Variants in KCNH7 observed in about 807,000 individuals in gnomAD.
KCNH7 encodes the protein potassium voltage-gated channel subfamily H member 7.
KCNH7 carries 49 observed loss-of-function variants against 120.8 expected under a neutral mutation model. That is an observed-to-expected ratio of 0.41 (90% CI 0.32 to 0.51). The LOEUF (loss-of-function observed/expected upper bound fraction) is 0.51. Among genes scored for constraint, KCNH7 ranks in the 20% least tolerant of loss-of-function variants. KCNH7 has a pLI of 0.38. For missense variants in KCNH7, 1,097 were observed against 1,446.6 expected (o/e 0.76, Z 3.92); for synonymous variants, 547 against 516.1 (o/e 1.06, Z -0.81).
At chr2:162,492,865 GTTTTTTTTTTTTTTT>G (rs67006443) in intron 6 of KCNH7, among the ~76,000 whole-genome samples, 2 of 57,210 alleles carry the variant, frequency 3.5e-5, no homozygotes, top group East Asian at 5.9e-4. Context: ...CTTGGATCTT[GTTTTTTTTTTTTTTT>G]TTTTTTTTTT....
chr2:162,667,956 G>A (rs903966130), intron 2 of KCNH7, among the ~76,000 whole-genome samples: 4 of 152,238 alleles, frequency 2.6e-5, no homozygotes, highest in Admixed American at 1.3e-4. Flanking sequence ...GATTAAAGTA[G>A]ATAACATTGT....
intron 2 of KCNH7, among the ~76,000 whole-genome samples, chr2:162,776,231 A>G (rs372541542): frequency 1.5e-4 from 23 of 152,240 alleles, no homozygotes; most frequent in Non-Finnish European, 2.9e-4. Context: ...CTCTACCTAC[A>G]TGTAGCCTCT....
At chr2:162,613,831 G>A (rs6715506) in intron 2 of KCNH7, among the ~76,000 whole-genome samples, 76,905 of 151,732 alleles carry the variant, frequency 0.51, 19,704 homozygotes, top group Middle Eastern at 0.61. Flanking sequence ...AAGGGTAATC[G>A]TAGACAAATA....
chr2:162,772,989 C>T (rs1454900374), intron 2 of KCNH7, among the ~76,000 whole-genome samples: 2 of 152,190 alleles, frequency 1.3e-5, no homozygotes, highest in Non-Finnish European at 2.9e-5. Flanking sequence ...CATCTTTTCC[C>T]AAGTACCCAA....
chr2:162,720,445 G>A (rs1687288870), intron 2 of KCNH7, among the ~76,000 whole-genome samples: 1 of 151,962 alleles, frequency 6.6e-6, no homozygotes, highest in Non-Finnish European at 1.5e-5. Context: ...CACAGTGGTA[G>A]TGGCGTGCTC....
chr2:162,541,491 C>G (rs980851198), intron 2 of KCNH7, among the ~76,000 whole-genome samples: 1 of 151,978 alleles, frequency 6.6e-6, no homozygotes, highest in Non-Finnish European at 1.5e-5. Flanking sequence ...TACAGATACA[C>G]CATGGAATAT....
chr2:162,676,021 G>A (rs1005197983), intron 2 of KCNH7, among the ~76,000 whole-genome samples: 1 of 151,440 alleles, frequency 6.6e-6, no homozygotes, highest in African/African-American at 2.4e-5. Context: ...TTAGAAATAT[G>A]CTATCTGGGA....
intron 2 of KCNH7, among the ~76,000 whole-genome samples, chr2:162,710,523 C>A (rs760540396): frequency 1.2e-4 from 18 of 152,114 alleles, no homozygotes; most frequent in Non-Finnish European, 2.6e-4. Flanking sequence ...AAAGTGCAAG[C>A]AAGTTAGCAC....
intron 2 of KCNH7, among the ~76,000 whole-genome samples, chr2:162,826,313 T>C (rs1453552286): frequency 2.0e-5 from 3 of 152,118 alleles, no homozygotes; most frequent in Non-Finnish European, 4.4e-5. Flanking sequence ...AACATGCTTA[T>C]ATTATTATGA....
chr2:162,588,519 G>T (rs928125306), intron 2 of KCNH7, among the ~76,000 whole-genome samples: 1 of 151,986 alleles, frequency 6.6e-6, no homozygotes, highest in East Asian at 1.9e-4. Flanking sequence ...ACCTCTTGTT[G>T]AAATCAAATT....
At chr2:162,604,161 T>C (rs926619939) in intron 2 of KCNH7, among the ~76,000 whole-genome samples, 7 of 152,114 alleles carry the variant, frequency 4.6e-5, no homozygotes, top group Non-Finnish European at 1.0e-4. Context: ...ACATTATCCC[T>C]AATTATGGCT....
intron 15 of KCNH7, 75 bp downstream of exon 15, chr2:162,373,395 C>G: frequency 9.3e-7 from 1 of 1,070,274 alleles, no homozygotes; most frequent in Non-Finnish European, 1.3e-6. Context: ...CACAGCACCC[C>G]AAGTGATTCT....
chr2:162,836,843 C>A (rs1444947685), intron 1 of KCNH7, 76 bp from the exon 2 acceptor site: 12 of 1,024,924 alleles, frequency 1.2e-5, no homozygotes, highest in Non-Finnish European at 1.8e-5. Context: ...CAATTTGTTG[C>A]ATAATAAGAG....
At chr2:162,486,520 A>G (rs1053653817) in intron 6 of KCNH7, among the ~76,000 whole-genome samples, 12 of 152,182 alleles carry the variant, frequency 7.9e-5, no homozygotes, top group African/African-American at 2.9e-4. Flanking sequence ...GCTAAGTTCT[A>G]TATTTGGGAC....
At chr2:162,695,959 C>T (rs941878454) in intron 2 of KCNH7, among the ~76,000 whole-genome samples, 4 of 152,160 alleles carry the variant, frequency 2.6e-5, no homozygotes, top group Non-Finnish European at 4.4e-5. Context: ...GAAAAGAAAT[C>T]CTGAACCCTA....
At position 162,400,433 on chromosome 2, in the gene KCNH7, C is replaced by A. The variant is rs2105444673; in HGVS notation, c.2163G>T (p.Lys721Asn). 1 of 1,611,574 alleles carries A rather than the reference C, an allele frequency of 6.2e-7. No individual in the cohort carries two copies. The highest frequency in any genetic ancestry group is 8.5e-7 in the Non-Finnish European group (1 of 1,178,448). ...TNGIDMNMVL[K>N]GFPECLQADI... ...CTGCTTGTAAGCATTCTGGGAAACC[C>A]TTTAGGACCTGAGGAAAAAAAGAAA... is the stretch of plus-strand genomic sequence containing the variant. Residue 721 changes from lysine (K) to asparagine (N), a missense_variant, in exon 10 of 16, where the codon AAG (lysine) becomes AAT (asparagine). Transcript: ENST00000332142.
chr2:162,668,935 A>G (rs541793851), intron 2 of KCNH7, among the ~76,000 whole-genome samples: 2 of 152,302 alleles, frequency 1.3e-5, no homozygotes, highest in African/African-American at 4.8e-5. Flanking sequence ...GAAATTAAAA[A>G]CTTAATAGAT....
intron 2 of KCNH7, among the ~76,000 whole-genome samples, chr2:162,735,327 C>T (rs923911864): frequency 3.3e-5 from 5 of 152,172 alleles, no homozygotes; most frequent in Non-Finnish European, 7.4e-5. Context: ...AAGCCACATT[C>T]ACATGACAAG....
At chr2:162,442,325 C>T (rs1015352769) in intron 7 of KCNH7, among the ~76,000 whole-genome samples, 1 of 151,678 alleles carries the variant, frequency 6.6e-6, no homozygotes, top group Non-Finnish European at 1.5e-5. Flanking sequence ...TGCGCCCGGC[C>T]GTGACATGTC....
Sources: gnomAD v4.1 joint callset for allele counts (sites outside exome capture counted in the v4.1 genomes callset) on GRCh38, gnomAD v4.1.1 for gene constraint, MANE v1.5 for transcripts, NCBI Gene and HGNC (gene_info 2026-07-23, HGNC 2026-07-21) for gene names.